The following RREB1 variants were observed in gnomAD, a reference collection of about 807,000 sequenced individuals.
RREB1 encodes the protein ras-responsive element-binding protein 1.
Under a neutral mutation model 117.8 loss-of-function variants are expected in RREB1, and 27 were observed. That is an observed-to-expected ratio of 0.23 (90% CI 0.17 to 0.32). RREB1 has a LOEUF of 0.32. Among genes scored for constraint, RREB1 ranks in the 10% least tolerant of loss-of-function variants. The pLI is 1.00. For synonymous variants in RREB1, 1,298 were observed against 1,026.7 expected (o/e 1.26, Z -5.05); for missense variants, 2,577 against 2,378.2 (o/e 1.08, Z -1.74).
chr6:7,111,994 C>T (rs562576454), intron 1 of RREB1, among the ~76,000 whole-genome samples: 1 of 152,274 alleles, frequency 6.6e-6, no homozygotes, highest in South Asian at 2.1e-4. Context: ...GTAGTCTGTC[C>T]TGATAAGGGG....
At chr6:7,192,890 C>T (rs1321350571) in intron 6 of RREB1, among the ~76,000 whole-genome samples, 3 of 152,142 alleles carry the variant, frequency 2.0e-5, no homozygotes, top group Admixed American at 6.5e-5. Context: ...GGATTATTGA[C>T]TTGAGAACTT....
intron 8 of RREB1, among the ~76,000 whole-genome samples, chr6:7,224,623 G>A (rs915713000): frequency 6.6e-6 from 1 of 152,130 alleles, no homozygotes. Context: ...GAGCTTGAAC[G>A]TATTTCAGCC....
chr6:7,218,825 TAAAAAAAAAAAAAA>T (rs11363201), intron 8 of RREB1: 2 of 124,240 alleles, frequency 1.6e-5, no homozygotes, highest in Non-Finnish European at 3.3e-5. Flanking sequence ...CAACTTTCTT[TAAAAAAAAAAAAAA>T]AAAAAAAAGG....
chr6:7,192,304 T>C (rs1342716220), intron 6 of RREB1, among the ~76,000 whole-genome samples: 3 of 151,984 alleles, frequency 2.0e-5, no homozygotes, highest in Non-Finnish European at 4.4e-5. Context: ...GTGATTCTCC[T>C]GCCTCAGCCT....
At chr6:7,161,888 C>T (rs988741046) in intron 1 of RREB1, among the ~76,000 whole-genome samples, 1 of 152,156 alleles carries the variant, frequency 6.6e-6, no homozygotes, top group African/African-American at 2.4e-5. Flanking sequence ...CTCTGATTGT[C>T]CATTTTTAAA....
chr6:7,233,980 A>G (rs1768154961), intron 10 of RREB1, among the ~76,000 whole-genome samples: 1 of 152,164 alleles, frequency 6.6e-6, no homozygotes, highest in African/African-American at 2.4e-5. Context: ...CAGACACGGC[A>G]TTTCCTTCTG....
intron 1 of RREB1, among the ~76,000 whole-genome samples, chr6:7,135,598 G>T (rs898817238): frequency 6.6e-6 from 1 of 152,154 alleles, no homozygotes; most frequent in African/African-American, 2.4e-5. Context: ...TCTCCAAGAT[G>T]CAGGCAGGGG....
chr6:7,224,150 A>G (rs1767448548), intron 8 of RREB1, among the ~76,000 whole-genome samples: 1 of 152,172 alleles, frequency 6.6e-6, no homozygotes, highest in Admixed American at 6.5e-5. Context: ...AAATTCTGGT[A>G]TAATAAACTC....
chr6:7,181,929 C>T lies in RREB1; in HGVS notation c.18C>T (p.Pro6=), dbSNP rs779379387. ...CTGTCCCAATGACGTCAAGTTCGCC[C>T]GCTGGCTTGGAAGGTTCAGACCTAT... MTSSS[P]AGLEGSDLSS... is the part of the protein sequence containing the mutation. Residue 6 remains proline, a synonymous_variant, in exon 4 of 13, where the codon CCC becomes CCT. Transcript: ENST00000379938. The T allele has an allele frequency of 1.8e-5, 29 of 1,614,100 alleles. No individual in the cohort carries two copies. Among genetic ancestry groups the T allele is most frequent in the Admixed American group, 5.0e-5 (3 of 60,006 alleles).
intron 6 of RREB1, among the ~76,000 whole-genome samples, chr6:7,189,525 G>C (rs770579637): frequency 6.6e-6 from 1 of 152,176 alleles, no homozygotes; most frequent in Non-Finnish European, 1.5e-5. Context: ...TGGCCCTTCA[G>C]AGTTCCTCAG....
At chr6:7,209,909 C>G (rs1766490270) in intron 6 of RREB1, among the ~76,000 whole-genome samples, 1 of 152,200 alleles carries the variant, frequency 6.6e-6, no homozygotes, top group South Asian at 2.1e-4. Context: ...ACAGTTCAAC[C>G]ACGGCTACGT....
chr6:7,242,708 G>GGC (rs1554128723), intron 11 of RREB1, among the ~76,000 whole-genome samples: 49 of 151,342 alleles, frequency 3.2e-4, no homozygotes, highest in Non-Finnish European at 6.0e-4. Flanking sequence ...AAAGGGGGGG[G>GGC]GGGAAGGAAA....
chr6:7,174,229 A>G (rs1358606458), intron 1 of RREB1, among the ~76,000 whole-genome samples: 2 of 129,918 alleles, frequency 1.5e-5, no homozygotes, highest in Non-Finnish European at 3.2e-5. Context: ...ACTCTTTTGT[A>G]CTTTTCCGCT....
At chr6:7,196,206 G>GA (rs1765657666) in intron 6 of RREB1, among the ~76,000 whole-genome samples, 1 of 129,716 alleles carries the variant, frequency 7.7e-6, no homozygotes, top group Non-Finnish European at 1.7e-5. Context: ...TTGTTTTTTG[G>GA]TTTTTTTTTT....
intron 8 of RREB1, among the ~76,000 whole-genome samples, chr6:7,219,817 C>T (rs911588366): frequency 3.3e-5 from 5 of 152,168 alleles, no homozygotes; most frequent in African/African-American, 1.2e-4. Flanking sequence ...ATACCAGGGG[C>T]CATGTAGAAA....
In RREB1 at chr6:7,246,390, C is replaced by T. The variant is rs572866163; in HGVS notation, c.3974-34C>T. The T allele has an allele frequency of 1.4e-4, 197 of 1,446,290 alleles. 1 individual carries two copies. In the Admixed American group the frequency reaches 1.8e-3, roughly 13 times the overall value. The allele number at this position is 1,446,290 out of a possible 1,614,324, so 89.6% of individuals were successfully genotyped here. The stretch of plus-strand genomic sequence containing the variant: ...TGGCATGGGCGTACCTGGTGGTGCC[C>T]CTCTGAGCCCTCCCCGCTGTGCTTG... On this transcript the variant is annotated intron_variant, in intron 11 of 12. Transcript: ENST00000379938.
At chr6:7,155,621 T>C (rs1763330421) in intron 1 of RREB1, among the ~76,000 whole-genome samples, 1 of 152,210 alleles carries the variant, frequency 6.6e-6, no homozygotes, top group Admixed American at 6.5e-5. Flanking sequence ...AGGACTTAAG[T>C]TTTAATAGAG....
intron 6 of RREB1, among the ~76,000 whole-genome samples, chr6:7,201,958 T>G (rs987610506): frequency 1.3e-5 from 2 of 151,988 alleles, no homozygotes; most frequent in Admixed American, 6.6e-5. Flanking sequence ...TCCATCCGTT[T>G]TAGATAAAAG....
Position 7,249,035 on chromosome 6 carries a change from C to A in RREB1, c.*67C>A. 1.7e-6 allele frequency: 2 copies of A among 1,152,202 alleles called. No individual in the cohort carries two copies. Among genetic ancestry groups the A allele is most frequent in the South Asian group, 1.7e-5 (1 of 60,516 alleles). The allele number at this position is 1,152,202 out of a possible 1,614,324, so 71.4% of individuals were successfully genotyped here. Reference sequence around the variant, plus strand: ...AAAGCGTCTATACTTCATGGGGTTTCCTCAGTGCCCTTTGGCTGTTGAGGA... The same window carrying A: ...AAAGCGTCTATACTTCATGGGGTTTACTCAGTGCCCTTTGGCTGTTGAGGA... On this transcript the variant is annotated 3_prime_UTR_variant, in exon 13 of 13. Coordinates refer to ENST00000379938, the MANE Select transcript of RREB1 (RefSeq NM_001003699.4).
Sources: gnomAD v4.1 joint callset for allele counts (sites outside exome capture counted in the v4.1 genomes callset) on GRCh38, gnomAD v4.1.1 for gene constraint, MANE v1.5 for transcripts, NCBI Gene and HGNC (gene_info 2026-07-23, HGNC 2026-07-21) for gene names.